AHCY: variants seen among roughly 807,000 people sequenced by gnomAD.
The protein encoded by AHCY is S-adenosyl-L-homocysteine hydrolase.
AHCY carries 24 observed loss-of-function variants against 45.4 expected under a neutral mutation model. The observed-to-expected ratio is 0.53, with a 90% confidence interval of 0.38 to 0.74. The LOEUF is 0.74. AHCY is among the 30% of genes least tolerant of loss of function. The probability of loss-of-function intolerance (pLI) is 0.00; values close to 1 mark genes in which losing one functional copy is unlikely to be tolerated. For missense variants in AHCY, 449 were observed against 594.1 expected (o/e 0.76, Z 2.54); for synonymous variants, 245 against 235.1 (o/e 1.04, Z -0.39).
chr20:34,240,414 C>G, the AHCY span, among the ~76,000 whole-genome samples: 3 of 152,168 alleles, frequency 2.0e-5, no homozygotes, highest in African/African-American at 7.2e-5. Context: ...GATCAGCTTT[C>G]ACATAACCTT....
At chr20:34,305,249 G>A (rs944436223), upstream of AHCY, among the ~76,000 whole-genome samples, 14 of 151,896 alleles carry the variant, frequency 9.2e-5, no homozygotes, top group Non-Finnish European at 1.6e-4. Flanking sequence ...GCGTGAACCC[G>A]GGAGGCCGAG....
chr20:34,245,611 G>A, the AHCY span, among the ~76,000 whole-genome samples: 7 of 151,518 alleles, frequency 4.6e-5, no homozygotes, highest in East Asian at 2.0e-4. Context: ...GGCTGGTCTC[G>A]AACTCCTGAC....
upstream of AHCY, among the ~76,000 whole-genome samples, chr20:34,308,224 T>C (rs1404865046): frequency 1.3e-5 from 2 of 152,234 alleles, no homozygotes; most frequent in African/African-American, 2.4e-5. Context: ...GTTGACTCTA[T>C]GTCTTTGCTA....
At chr20:34,232,393 G>A in the AHCY span, among the ~76,000 whole-genome samples, 111 of 152,136 alleles carry the variant, frequency 7.3e-4, no homozygotes, top group Non-Finnish European at 1.4e-3. Context: ...ATTTTCACTT[G>A]AGCATGCCAT....
the AHCY span, among the ~76,000 whole-genome samples, chr20:34,260,019 G>A: frequency 6.6e-6 from 1 of 151,724 alleles, no homozygotes; most frequent in Non-Finnish European, 1.5e-5. Flanking sequence ...CAACAACTCT[G>A]CCCAGGCCTG....
intron 9 of AHCY, 140 bp downstream of exon 9, chr20:34,285,300 G>A (rs778655753): frequency 9.1e-6 from 8 of 875,706 alleles, no homozygotes; most frequent in Non-Finnish European, 1.3e-5. Flanking sequence ...TGGGGAGAAT[G>A]ACTTCTGCAC....
At chr20:34,248,135 G>T in the AHCY span, among the ~76,000 whole-genome samples, 3 of 152,220 alleles carry the variant, frequency 2.0e-5, no homozygotes, top group South Asian at 6.2e-4. Flanking sequence ...GAACCCGGGA[G>T]GTGAAGGTTG....
At chr20:34,311,317 C>G (rs996894900) in intron 1 of AHCY, among the ~76,000 whole-genome samples, 1 of 152,178 alleles carries the variant, frequency 6.6e-6, no homozygotes, top group Admixed American at 6.5e-5. Context: ...ACAGTGCTTC[C>G]CTGGGGATCC....
At chr20:34,311,189 T>C (rs1025554500) in intron 1 of AHCY, among the ~76,000 whole-genome samples, 1 of 152,124 alleles carries the variant, frequency 6.6e-6, no homozygotes, top group Admixed American at 6.6e-5. Flanking sequence ...AAAAGCAAAG[T>C]GCAGAACGGT....
Position 34,303,323 on chromosome 20 carries a change from G to A in AHCY, c.-53C>T, listed in dbSNP as rs903506350. On this transcript the variant is annotated 5_prime_UTR_variant, in exon 1 of 10. Coordinates refer to ENST00000217426, the MANE Select transcript of AHCY (RefSeq NM_000687.4). ...CGAAGGGGGCTGGGCCTCAGTCTGGGAACAGGAACTGGGCGGGCAGCGCCG... is the reference window on the plus strand; with the variant it reads ...CGAAGGGGGCTGGGCCTCAGTCTGGAAACAGGAACTGGGCGGGCAGCGCCG... The A allele has an allele frequency of 1.0e-5, 16 of 1,551,222 alleles. No individual in the cohort carries two copies. The East Asian group carries it at 2.0e-4, about 19-fold the overall frequency.
chr20:34,295,655 A>G, intron 1 of AHCY, 70 bp from the exon 2 acceptor site: 2 of 1,509,266 alleles, frequency 1.3e-6, no homozygotes, highest in Non-Finnish European at 1.8e-6. Context: ...CGGTCACTGC[A>G]TGGACCCCGA....
chr20:34,289,135 C>T (rs2036283801), intron 8 of AHCY, among the ~76,000 whole-genome samples: 1 of 152,092 alleles, frequency 6.6e-6, no homozygotes, highest in Admixed American at 6.6e-5. Flanking sequence ...TCCCGAGTAG[C>T]TGGGATTACA....
At chr20:34,292,113 C>G (rs1408242579) in intron 4 of AHCY, among the ~76,000 whole-genome samples, 4 of 152,264 alleles carry the variant, frequency 2.6e-5, no homozygotes, top group Non-Finnish European at 5.9e-5. Context: ...AGCTGGCTCC[C>G]TCCCAGCTAT....
At chr20:34,280,051 C>T (rs2035953933), downstream of AHCY, among the ~76,000 whole-genome samples, 1 of 152,160 alleles carries the variant, frequency 6.6e-6, no homozygotes, top group Non-Finnish European at 1.5e-5. Flanking sequence ...GAGATTGCAT[C>T]ACTGCACTCC....
At chr20:34,276,247 C>T (rs1174187238), downstream of AHCY, among the ~76,000 whole-genome samples, 1 of 152,150 alleles carries the variant, frequency 6.6e-6, no homozygotes, top group African/African-American at 2.4e-5. Context: ...GGCCTCACCC[C>T]AGACCTACAG....
At chr20:34,269,487 TG>T in the AHCY span, 1 of 384,546 alleles carries the variant, frequency 2.6e-6, no homozygotes, top group Non-Finnish European at 4.6e-6. Context: ...GCTGCCGACC[TG>T]GGGGTTAGGA....
chr20:34,311,571 C>A, exon 1 of AHCY: 1 of 152,574 alleles, frequency 6.6e-6, no homozygotes, highest in South Asian at 2.1e-4. Flanking sequence ...GCCCTTTGGC[C>A]GCGGGGCTTT....
chr20:34,295,290 G>T, intron 2 of AHCY, 105 bp downstream of exon 2: 1 of 1,423,216 alleles, frequency 7.0e-7, no homozygotes, highest in Non-Finnish European at 9.7e-7. Context: ...CAGGCCCGCG[G>T]TCAGCTCCAC....
At chr20:34,258,199 T>C in the AHCY span, among the ~76,000 whole-genome samples, 2 of 151,914 alleles carry the variant, frequency 1.3e-5, no homozygotes, top group East Asian at 1.9e-4. Flanking sequence ...CATCGGTTAG[T>C]AGATATTGAT....
Sources: allele counts gnomAD v4.1 joint callset (sites outside exome capture counted in the v4.1 genomes callset), GRCh38; gene constraint gnomAD v4.1.1; transcripts MANE v1.5; gene names NCBI Gene and HGNC (gene_info 2026-07-23, HGNC 2026-07-21).